BCAR3: variants seen among roughly 807,000 people sequenced by gnomAD.
BCAR3 encodes breast cancer anti-estrogen resistance protein 3.
Under a neutral mutation model 80.1 loss-of-function variants are expected in BCAR3, and 37 were observed. That is an observed-to-expected ratio of 0.46 (90% CI 0.36 to 0.61). The LOEUF (loss-of-function observed/expected upper bound fraction) is 0.61, where lower values mean the gene tolerates loss of function less well. Among genes scored for constraint, BCAR3 ranks in the 20% least tolerant of loss-of-function variants. The pLI is 0.00. For missense variants in BCAR3, 978 were observed against 1,068.2 expected, an observed-to-expected ratio of 0.92 and a Z score of 1.18; for synonymous variants, 389 against 418.9, an observed-to-expected ratio of 0.93 and a Z score of 0.87.
chr1:93,787,411 A>T (rs1408460087), intron 2 of BCAR3, among the ~76,000 whole-genome samples: 2 of 152,118 alleles, frequency 1.3e-5, no homozygotes, highest in Non-Finnish European at 2.9e-5. Flanking sequence ...TAGATTGTCT[A>T]TTTGTGCCCT....
chr1:93,666,941 G>T (rs941004161), intron 2 of BCAR3, among the ~76,000 whole-genome samples: 2 of 152,142 alleles, frequency 1.3e-5, no homozygotes, highest in African/African-American at 2.4e-5. Context: ...GCACCTCCCA[G>T]CTCTAGCCTT....
At chr1:93,734,120 T>A (rs1435390016) in intron 2 of BCAR3, among the ~76,000 whole-genome samples, 2 of 152,244 alleles carry the variant, frequency 1.3e-5, no homozygotes, top group Non-Finnish European at 2.9e-5. Flanking sequence ...CCTCTTCAGA[T>A]GGAGTTCCAG....
At chr1:93,642,952 G>T (rs1309764744) in intron 2 of BCAR3, among the ~76,000 whole-genome samples, 1 of 152,210 alleles carries the variant, frequency 6.6e-6, no homozygotes, top group Non-Finnish European at 1.5e-5. Flanking sequence ...TATGGGCCAG[G>T]TGTGGTGGCT....
rs145810149 is a variant in BCAR3, at chr1:93,835,972, C to T, written c.-63+9595G>A. 4.8e-3 allele frequency among the ~76,000 whole-genome samples: 730 copies of T among 152,176 alleles called. 8 individuals carry two copies. The highest frequency in any genetic ancestry group is 0.014 in the African/African-American group (578 of 41,536). Reference sequence around the variant, plus strand: ...GGACCGGCCTTTATTAGTCAAATCACCCAGTTTCTCAGGCTCTTGGTATTC... The same window carrying T: ...GGACCGGCCTTTATTAGTCAAATCATCCAGTTTCTCAGGCTCTTGGTATTC... On this transcript the variant is annotated intron_variant, in intron 2 of 13. Coordinates refer to the BCAR3 transcript ENST00000370244.
intron 2 of BCAR3, among the ~76,000 whole-genome samples, chr1:93,788,735 C>G (rs1653035717): frequency 6.6e-6 from 1 of 152,074 alleles, no homozygotes; most frequent in Admixed American, 6.6e-5. Flanking sequence ...CAGAGATAGA[C>G]CATTGCCACT....
At chr1:93,769,745 G>T (rs1256559582) in intron 2 of BCAR3, among the ~76,000 whole-genome samples, 4 of 152,108 alleles carry the variant, frequency 2.6e-5, no homozygotes, top group East Asian at 3.9e-4. Flanking sequence ...TCTATGAAAA[G>T]GAAAATTTTT....
chr1:93,613,988 C>G, intron 3 of BCAR3: 3 of 1,546,002 alleles, frequency 1.9e-6, no homozygotes, highest in Non-Finnish European at 2.6e-6. Flanking sequence ...AGAAAGGGGG[C>G]TTCGGACGTT....
chr1:93,740,623 T>C (rs916916060), intron 2 of BCAR3, among the ~76,000 whole-genome samples: 8 of 152,098 alleles, frequency 5.3e-5, no homozygotes, highest in Admixed American at 5.2e-4. Context: ...TCACCCCACA[T>C]GCTGGCCCCT....
intron 3 of BCAR3, among the ~76,000 whole-genome samples, chr1:93,637,562 T>G (rs1378824430): frequency 3.3e-5 from 5 of 152,100 alleles, no homozygotes; most frequent in South Asian, 2.1e-4. Context: ...AGAGTGGAAG[T>G]GAGCCTAGGC....
chr1:93,673,757 T>C (rs1439845001), intron 2 of BCAR3, among the ~76,000 whole-genome samples: 1 of 152,248 alleles, frequency 6.6e-6, no homozygotes, highest in African/African-American at 2.4e-5. Context: ...TCCTAAAGTA[T>C]TCTGAAGCTG....
intron 2 of BCAR3, among the ~76,000 whole-genome samples, chr1:93,812,957 A>G (rs1571145159): frequency 6.6e-6 from 1 of 152,120 alleles, no homozygotes; most frequent in Admixed American, 6.6e-5. Flanking sequence ...GCTACCCCTC[A>G]TAGCAGTCTT....
At chr1:93,658,201 A>G (rs1647482233) in intron 2 of BCAR3, among the ~76,000 whole-genome samples, 1 of 152,078 alleles carries the variant, frequency 6.6e-6, no homozygotes, top group Non-Finnish European at 1.5e-5. Flanking sequence ...GGCCTCCCAA[A>G]GTGCTAGGAT....
At chr1:93,802,168 G>T (rs1347165720) in intron 2 of BCAR3, among the ~76,000 whole-genome samples, 1 of 151,814 alleles carries the variant, frequency 6.6e-6, no homozygotes, top group Non-Finnish European at 1.5e-5. Flanking sequence ...AAATTAGCCA[G>T]GTGTGGTGAT....
intron 1 of BCAR3, among the ~76,000 whole-genome samples, chr1:93,679,357 G>C (rs144692180): frequency 6.6e-6 from 1 of 152,250 alleles, no homozygotes; most frequent in East Asian, 1.9e-4. Context: ...AATGAAGACT[G>C]CAACTGGGAA....
rs1239470325 is a variant in BCAR3, at chr1:93,674,691, C to A, written c.240G>T (p.Arg80=). 3.7e-6 allele frequency: 6 copies of A among 1,613,818 alleles called. No homozygotes were observed. The highest frequency in any genetic ancestry group is 5.1e-6 in the Non-Finnish European group (6 of 1,179,988). The part of the protein sequence containing the change: ...MGTLPHSKSP[R]QNSPVTQDGI... ...CATCCTGGGTCACAGGCGAGTTCTG[C>A]CGTGGGGATTTGGAGTGGGGGAGGG... is the stretch of plus-strand genomic sequence containing the variant. The change falls in exon 2 of 12, where the codon CGG becomes CGT. Residue 80 remains arginine, a synonymous_variant. Transcript: ENST00000260502.
In BCAR3 at chr1:93,831,980, C is replaced by T. The variant is rs748797600; in HGVS notation, c.-63+13587G>A. 5.3e-5 allele frequency among the ~76,000 whole-genome samples: 8 copies of T among 152,158 alleles called. No homozygotes were observed. The South Asian group carries it at 8.3e-4, about 16-fold the overall frequency. ...AAATATAAACACTCAACCCAGTTCA[C>T]GGCCCATCTGGCAACAACCCTTAGA... On this transcript the variant is annotated intron_variant, in intron 2 of 13. Transcript: ENST00000370244.
At chr1:93,784,987 A>C (rs1045433067) in intron 2 of BCAR3, among the ~76,000 whole-genome samples, 1 of 152,180 alleles carries the variant, frequency 6.6e-6, no homozygotes, top group Admixed American at 6.5e-5. Context: ...GATTAAGGAG[A>C]GTTCTGCTCC....
chr1:93,804,787 T>C (rs2100794422), intron 2 of BCAR3, among the ~76,000 whole-genome samples: 1 of 152,338 alleles, frequency 6.6e-6, no homozygotes, highest in East Asian at 1.9e-4. Flanking sequence ...AACAATTTGT[T>C]TATCCATTCA....
At chr1:93,698,596 A>G (rs1159501705) in intron 3 of BCAR3, among the ~76,000 whole-genome samples, 1 of 151,968 alleles carries the variant, frequency 6.6e-6, no homozygotes, top group Non-Finnish European at 1.5e-5. Flanking sequence ...AAGGCAATAT[A>G]CTCATGACTG....
Sources: gnomAD v4.1 joint callset for allele counts (sites outside exome capture counted in the v4.1 genomes callset) on GRCh38, gnomAD v4.1.1 for gene constraint, MANE v1.5 for transcripts, NCBI Gene and HGNC (gene_info 2026-07-23, HGNC 2026-07-21) for gene names.